Variants in STAT2 observed in about 807,000 individuals in gnomAD.
STAT2 encodes signal transducer and activator of transcription 2, also known as interferon alpha induced transcriptional activator.
In STAT2, 51 loss-of-function variants were observed where a neutral mutation model predicts 122.3. The observed-to-expected ratio is 0.42, with a 90% CI of 0.33 to 0.53. The LOEUF (loss-of-function observed/expected upper bound fraction) is 0.53. STAT2 is among the 20% of genes least tolerant of loss of function. STAT2 has a pLI of 0.10. For synonymous variants in STAT2, 351 were observed against 394.9 expected, an observed-to-expected ratio of 0.89 and a Z score of 1.32; for missense variants, 736 against 1,010.3, an observed-to-expected ratio of 0.73 and a Z score of 3.68.
In STAT2 at chr12:56,343,955, A is replaced by G. The variant is rs975828001; in HGVS notation, c.2283T>C (p.Pro761=). ...LESVLESTLE[P]VIEPTLCMVS... is the part of the protein sequence containing the mutation. ...CCATGCATAGTGTGGGCTCTATCAC[A>G]GGCTCCAGAGTGGACTCCAGCACAG... The change falls in exon 23 of 24, where the codon CCT becomes CCC. Residue 761 remains proline (P), a synonymous_variant. Coordinates refer to ENST00000314128, the MANE Select transcript of STAT2 (RefSeq NM_005419.4). The G allele has an allele frequency of 3.7e-6, 6 of 1,614,168 alleles. No homozygotes were observed. The highest frequency in any genetic ancestry group is 4.2e-6 in the Non-Finnish European group (5 of 1,180,008).
In STAT2 at chr12:56,355,812, G is replaced by A; in HGVS notation, c.286-9C>T. ...GGATCCTGGGAAAAGGGCTAGAATAGGTAAACAGAAAGGATTGATCCAATT... is the reference window on the plus strand; with the variant it reads ...GGATCCTGGGAAAAGGGCTAGAATAAGTAAACAGAAAGGATTGATCCAATT... On this transcript the variant is annotated splice_polypyrimidine_tract_variant and intron_variant, in intron 3 of 23. Coordinates refer to ENST00000314128, the MANE Select transcript of STAT2 (RefSeq NM_005419.4). 1 of 1,612,190 alleles carries A rather than the reference G, an allele frequency of 6.2e-7. No homozygotes were observed. The highest frequency in any genetic ancestry group is 8.5e-7 in the Non-Finnish European group (1 of 1,178,222).
Position 56,354,617 on chromosome 12 carries a change from G to A in STAT2, c.634-3C>T, listed in dbSNP as rs1592487578. 1 of 1,614,072 alleles carries A rather than the reference G, an allele frequency of 6.2e-7. No homozygotes were observed. The highest frequency in any genetic ancestry group is 2.2e-5 in the East Asian group (1 of 44,874). On this transcript the variant is annotated splice_polypyrimidine_tract_variant and splice_region_variant and intron_variant, in intron 7 of 23. Transcript: ENST00000314128. The stretch of plus-strand genomic sequence containing the variant: ...GCTTTGGAGGCATCCAGCACCTCCT[G>A]GGAAAGAGATAATGTGAGTGTTGAG...
chr12:56,350,458 T>A, intron 11 of STAT2, 26 bp from the exon 12 acceptor site: 1 of 1,590,886 alleles, frequency 6.3e-7, no homozygotes, highest in Non-Finnish European at 8.5e-7. Flanking sequence ...TTTAAAAAAA[T>A]CATTGGGCAA....
intron 22 of STAT2, among the ~76,000 whole-genome samples, chr12:56,345,047 G>A (rs1259121194): frequency 6.6e-6 from 1 of 150,532 alleles, no homozygotes; most frequent in Non-Finnish European, 1.5e-5. Flanking sequence ...GGTGGCGCTC[G>A]CCTGTAATCC....
rs1876859153 is a variant in STAT2, at chr12:56,343,416, A to C, written c.2529T>G (p.Asp843Glu). 2 of 1,614,172 alleles carry C rather than the reference A, an allele frequency of 1.2e-6. No homozygotes were observed. The highest frequency in any genetic ancestry group is 2.7e-5 in the African/African-American group (2 of 75,062). ...AGAAGTCAGAAGGCATCAAGGGTCCATCAGTGTAGAAGTGGCTGGGGCGGG... is the reference window on the plus strand; with the variant it reads ...AGAAGTCAGAAGGCATCAAGGGTCCCTCAGTGTAGAAGTGGCTGGGGCGGG... ...YVSRPSHFYT[D>E]GPLMPSDF is the part of the protein sequence containing the mutation. The change falls in exon 24 of 24, where the codon GAT (aspartate) becomes GAG (glutamate). Residue 843 changes from aspartate (D) to glutamate (E), a missense_variant. Coordinates refer to ENST00000314128, the MANE Select transcript of STAT2 (RefSeq NM_005419.4).
Position 56,357,624 on chromosome 12 carries a change from C to T in STAT2, c.-7-1046G>A, listed in dbSNP as rs1879718844. On this transcript the variant is annotated intron_variant, in intron 1 of 23. Coordinates refer to ENST00000314128, the MANE Select transcript of STAT2 (RefSeq NM_005419.4). Reference sequence around the variant, plus strand: ...CCTTCCAAAGTGCTGGGATTACAGGCGTGAGCCGCTGTGCCCAGCCGGCCC... The same window carrying T: ...CCTTCCAAAGTGCTGGGATTACAGGTGTGAGCCGCTGTGCCCAGCCGGCCC... Among the ~76,000 whole-genome samples, 2 of 151,848 alleles carry T rather than the reference C, an allele frequency of 1.3e-5. 1 individual carries two copies. Among genetic ancestry groups the T allele is most frequent in the South Asian group, 4.2e-4 (2 of 4,814 alleles).
At chr12:56,354,012 A>ATATGTGTATAT (rs1363190581) in intron 8 of STAT2, among the ~76,000 whole-genome samples, 1 of 20,112 alleles carries the variant, frequency 5.0e-5, no homozygotes, top group Non-Finnish European at 2.2e-4. Context: ...AAAAAAAAAA[A>ATATGTGTATAT]AAAAATATAT....
intron 12 of STAT2, 37 bp from the exon 13 acceptor site, chr12:56,350,227 G>A (rs755043479): frequency 6.7e-7 from 1 of 1,493,390 alleles, no homozygotes; most frequent in Admixed American, 2.1e-5. Context: ...ACAAGGAATG[G>A]AATTATTCTA....
At chr12:56,346,984 C>T (rs1293284582) in intron 19 of STAT2, 29 bp from the exon 20 acceptor site, 22 of 1,608,564 alleles carry the variant, frequency 1.4e-5, no homozygotes, top group Non-Finnish European at 1.8e-5. Flanking sequence ...CTGTGAGACA[C>T]CGCCCAACAC....
chr12:56,351,139 G>A lies in STAT2; in HGVS notation c.993C>T (p.Pro331=), dbSNP rs1878403824. ...ACTTGCTGCCAGTCTTGAGGATGAGGGGTCGATGGGGAGTTTGGGGCATGC... is the reference window on the plus strand; with the variant it reads ...ACTTGCTGCCAGTCTTGAGGATGAGAGGTCGATGGGGAGTTTGGGGCATGC... ...QPCMPQTPHR[P]LILKTGSKFT... is the part of the protein sequence containing the mutation. Residue 331 remains proline (P), a synonymous_variant, in exon 10 of 24, where the codon CCC becomes CCT. Transcript: ENST00000314128. 1 of 1,614,018 alleles carries A rather than the reference G, an allele frequency of 6.2e-7. No individual in the cohort carries two copies. The highest frequency in any genetic ancestry group is 1.3e-5 in the African/African-American group (1 of 74,928).
In STAT2 at chr12:56,346,856, C is replaced by A; in HGVS notation, c.1824G>T (p.Gly608=). 6.2e-7 allele frequency: 1 copy of A among 1,614,158 alleles called. No homozygotes were observed. The highest frequency in any genetic ancestry group is 8.5e-7 in the Non-Finnish European group (1 of 1,180,016). The change falls in exon 20 of 24, where the codon GGG becomes GGT. Residue 608 remains glycine (G), a synonymous_variant. Transcript: ENST00000314128. ...FLLRFSESSE[G]GITCSWVEHQ... is the part of the protein sequence containing the mutation. The stretch of plus-strand genomic sequence containing the variant: ...GCTCCACCCAGGAGCAGGTAATGCC[C>A]CCTTCTGACGATTCACTGAAGCGCA...
intron 1 of STAT2, among the ~76,000 whole-genome samples, chr12:56,357,403 T>C (rs1879681293): frequency 6.6e-6 from 1 of 151,702 alleles, no homozygotes; most frequent in East Asian, 1.9e-4. Flanking sequence ...TGCAGTGGTG[T>C]GATTTTGGCT....
At chr12:56,356,084 A>G (rs1879468423) in intron 3 of STAT2, 48 bp downstream of exon 3, 2 of 1,597,722 alleles carry the variant, frequency 1.3e-6, no homozygotes, top group Non-Finnish European at 1.7e-6. Flanking sequence ...TTACTCCTCT[A>G]TGCTCAGCTC....
chr12:56,354,443 AG>A lies in STAT2; in HGVS notation c.782+22del. 3 of 1,613,958 alleles carry A rather than the reference AG, an allele frequency of 1.9e-6. No individual in the cohort carries two copies. The South Asian group carries it at 3.3e-5, about 18-fold the overall frequency. On this transcript the variant is annotated intron_variant, in intron 8 of 23. Transcript: ENST00000314128. ...CAAATCACAGCGCATGGCGAGGACG[AG>A]GGTTGGGGTGGTACCTCTCACCATG...
chr12:56,343,959 T>C lies in STAT2; in HGVS notation c.2279A>G (p.Glu760Gly). 6.2e-7 allele frequency: 1 copy of C among 1,614,172 alleles called. No individual in the cohort carries two copies. Among genetic ancestry groups the C allele is most frequent in the African/African-American group, 1.3e-5 (1 of 75,040 alleles). ...ELESVLESTL[E>G]PVIEPTLCMV... is the part of the protein sequence containing the mutation. ...GCATAGTGTGGGCTCTATCACAGGCTCCAGAGTGGACTCCAGCACAGACTC... is the reference window on the plus strand; with the variant it reads ...GCATAGTGTGGGCTCTATCACAGGCCCCAGAGTGGACTCCAGCACAGACTC... The change falls in exon 23 of 24, where the codon GAG becomes GGG. Residue 760 changes from glutamate to glycine, a missense_variant. By Grantham distance (98) the Glu-to-Gly change is moderately conservative (BLOSUM62 -2). Transcript: ENST00000314128.
Position 56,343,449 on chromosome 12 carries a change from A to C in STAT2, c.2496T>G (p.Val832=). The change falls in exon 24 of 24, where the codon GTT becomes GTG. Residue 832 remains valine (V), a synonymous_variant. Transcript: ENST00000314128. ...LLAGQNTVDE[V]YVSRPSHFYT... ...AGAAGTGGCTGGGGCGGGAGACGTA[A>C]ACCTCATCCACGGTGTTCTGGCCAG... 1 of 1,614,222 alleles carries C rather than the reference A, an allele frequency of 6.2e-7. No individual in the cohort carries two copies. Among genetic ancestry groups the C allele is most frequent in the Non-Finnish European group, 8.5e-7 (1 of 1,180,030 alleles).
At chr12:56,356,403 C>A in intron 2 of STAT2, 38 bp downstream of exon 2, 1 of 1,610,604 alleles carries the variant, frequency 6.2e-7, no homozygotes, top group Non-Finnish European at 8.5e-7. Flanking sequence ...AAGTAAGGAA[C>A]CACCTTTTTC....
Position 56,344,074 on chromosome 12 carries a change from C to T in STAT2, c.2164G>A (p.Glu722Lys), listed in dbSNP as rs767691268. The T allele has an allele frequency of 6.9e-6, 11 of 1,600,074 alleles. No homozygotes were observed. In the African/African-American group the frequency reaches 1.2e-4, roughly 18 times the overall value. ...TCTGGCACCAGCCCTAGTTCCAGCT[C>T]TAATGACTCCAGCTCTGGCTCTGGC... ...LKPEPELESL[E>K]LELGLVPEPE... Residue 722 changes from glutamate to lysine, a missense_variant, in exon 23 of 24, where the codon GAG (glutamate) becomes AAG (lysine). Coordinates refer to ENST00000314128, the MANE Select transcript of STAT2 (RefSeq NM_005419.4).
chr12:56,358,808 A>G (rs1002637941), intron 1 of STAT2, among the ~76,000 whole-genome samples: 2 of 152,154 alleles, frequency 1.3e-5, no homozygotes, highest in African/African-American at 4.8e-5. Context: ...AGGCAGGAGA[A>G]TGGCTTGTAC....
Sources: gnomAD v4.1 joint callset for allele counts (sites outside exome capture counted in the v4.1 genomes callset) on GRCh38, gnomAD v4.1.1 for gene constraint, MANE v1.5 for transcripts, NCBI Gene and HGNC (gene_info 2026-07-23, HGNC 2026-07-21) for gene names.